The following PSMC2 variants were observed in gnomAD, a reference collection of about 807,000 sequenced individuals.
The protein encoded by PSMC2 is 26S proteasome regulatory subunit 7.
A neutral mutation model predicts 53.3 loss-of-function variants in PSMC2; 7 were observed. That is an observed-to-expected ratio of 0.13 (90% CI 0.07 to 0.25). The LOEUF is 0.25. Ranked by LOEUF, PSMC2 falls within the 10% of genes least tolerant of loss-of-function variation. PSMC2 has a pLI of 1.00. For missense variants in PSMC2, 241 were observed against 544.0 expected (o/e 0.44, Z 5.54); for synonymous variants, 169 against 183.9 (o/e 0.92, Z 0.66).
intron 1 of PSMC2, among the ~76,000 whole-genome samples, chr7:103,353,405 C>G (rs572377513): frequency 6.6e-6 from 1 of 152,262 alleles, no homozygotes; most frequent in Non-Finnish European, 1.5e-5. Context: ...CTCCTGGGTT[C>G]AAGCAATTCT....
rs138123799 is a variant in PSMC2 at position 103,348,370 on chromosome 7, T to C, written c.70+589T>C. ...CAAGTGTGCTTATCTATTCCTTTTT[T>C]TTAACACAAATGTAGCATGCTGTAC... On this transcript the variant is annotated intron_variant, in intron 1 of 11. Transcript: ENST00000292644. 3.9e-3 allele frequency among the ~76,000 whole-genome samples: 594 copies of C among 152,336 alleles called. 5 individuals carry two copies. Among genetic ancestry groups the C allele is most frequent in the African/African-American group, 0.014 (567 of 41,582 alleles).
In PSMC2 at chr7:103,359,138, C is replaced by CTTTTTTTTTTTTT. The variant is rs35936603; in HGVS notation, c.291-2799_291-2787dup. On this transcript the variant is annotated intron_variant, in intron 4 of 11. Transcript: ENST00000292644. The stretch of plus-strand genomic sequence containing the variant: ...CAGGTGCATACCACCCCATGTCTGG[C>CTTTTTTTTTTTTT]TTTTTTTTTTTTTTTTTTTTTTTTT... Among the ~76,000 whole-genome samples, 83 of 31,328 alleles carry CTTTTTTTTTTTTT rather than the reference C, an allele frequency of 2.6e-3. 8 individuals carry two copies. The highest frequency in any genetic ancestry group is 3.7e-3 in the South Asian group (1 of 268). The allele number at this position is 31,328 out of a possible 152,430, so 20.6% of individuals were successfully genotyped here.
At chr7:103,362,148 T>C in intron 5 of PSMC2, 60 bp downstream of exon 5, 1 of 1,601,486 alleles carries the variant, frequency 6.2e-7, no homozygotes, top group East Asian at 2.2e-5. Context: ...CTCACATTCA[T>C]ATCCTTGGCT....
chr7:103,347,635 G>A, upstream of PSMC2: 1 of 1,548,892 alleles, frequency 6.5e-7, no homozygotes, highest in Non-Finnish European at 8.9e-7. Context: ...GGTGGGGAAG[G>A]GAAAGGGAAG....
chr7:103,353,557 T>G (rs1819851750), intron 1 of PSMC2, among the ~76,000 whole-genome samples: 1 of 152,232 alleles, frequency 6.6e-6, no homozygotes, highest in South Asian at 2.1e-4. Flanking sequence ...TCTGCCTGCC[T>G]GGGCCTCCCA....
Position 103,368,957 on chromosome 7 carries a change from C to CA in PSMC2, c.*904dup, listed in dbSNP as rs2116284923. 6.6e-6 allele frequency: 1 copy of CA among 152,122 alleles called. No individual in the cohort carries two copies. The highest frequency in any genetic ancestry group is 2.1e-4 in the South Asian group (1 of 4,818). 9.4% of individuals were successfully genotyped at this position (152,122 alleles called of 1,614,324 possible). A position where few individuals can be genotyped will look rare whatever the true frequency, so the allele number is the denominator to read the frequency against. On this transcript the variant is annotated 3_prime_UTR_variant, in exon 12 of 12. Coordinates refer to ENST00000292644, the MANE Select transcript of PSMC2 (RefSeq NM_002803.4). ...TCTTTAAAATTACCTCCTGTGTAAC[C>CA]ACCACCAAATCCTATCTTCTACCAC...
Position 103,368,237 on chromosome 7 carries a change from T to C in PSMC2, c.*183T>C. 1 of 624,370 alleles carries C rather than the reference T, an allele frequency of 1.6e-6. No homozygotes were observed. The highest frequency in any genetic ancestry group is 2.6e-6 in the Non-Finnish European group (1 of 390,684). 38.7% of individuals were successfully genotyped at this position (624,370 alleles called of 1,614,324 possible). ...AGGCAGAAAAGCTTGTTAGAATATATTTTGACTATTTTTTTGACCCACACC... is the reference window on the plus strand; with the variant it reads ...AGGCAGAAAAGCTTGTTAGAATATACTTTGACTATTTTTTTGACCCACACC... On this transcript the variant is annotated 3_prime_UTR_variant, in exon 12 of 12. Coordinates refer to ENST00000292644, the MANE Select transcript of PSMC2 (RefSeq NM_002803.4).
At position 103,362,777 on chromosome 7, in the gene PSMC2, G is replaced by T; in HGVS notation, c.495+19G>T. 6.9e-7 allele frequency: 1 copy of T among 1,444,278 alleles called. No homozygotes were observed. The highest frequency in any genetic ancestry group is 9.6e-7 in the Non-Finnish European group (1 of 1,041,592). 89.5% of individuals were successfully genotyped at this position (1,444,278 alleles called of 1,614,324 possible). A position where few individuals can be genotyped will look rare whatever the true frequency, so the allele number is the denominator to read the frequency against. On this transcript the variant is annotated intron_variant, in intron 6 of 11. Transcript: ENST00000292644. ...GATGCAGGTAAGAAACTATGGGAGG[G>T]AAAAGGAAGGCTATGTCTTTTTTTT...
chr7:103,367,023 T>C lies in PSMC2; in HGVS notation c.845-390T>C, dbSNP rs1820753942. Among the ~76,000 whole-genome samples, 1 of 152,190 alleles carries C rather than the reference T, an allele frequency of 6.6e-6. No individual in the cohort carries two copies. Among genetic ancestry groups the C allele is most frequent in the African/African-American group, 2.4e-5 (1 of 41,444 alleles). ...TTTCACCATGTTGGCCAGGCTGGTC[T>C]CGAACTCCTGAGGACAAGTTATTTT... is the stretch of plus-strand genomic sequence containing the variant. On this transcript the variant is annotated intron_variant, in intron 9 of 11. Coordinates refer to ENST00000292644, the MANE Select transcript of PSMC2 (RefSeq NM_002803.4). This position sits in a 1 kb window ranked among gnomAD's most constrained non-coding sequence, Gnocchi z 6.1.
In PSMC2 at chr7:103,367,300, G is replaced by T; in HGVS notation, c.845-113G>T. 2 of 887,550 alleles carry T rather than the reference G, an allele frequency of 2.3e-6. No individual in the cohort carries two copies. The highest frequency in any genetic ancestry group is 3.6e-6 in the Non-Finnish European group (2 of 562,704). 55.0% of individuals were successfully genotyped at this position (887,550 alleles called of 1,614,324 possible). On this transcript the variant is annotated intron_variant, in intron 9 of 11. Coordinates refer to ENST00000292644, the MANE Select transcript of PSMC2 (RefSeq NM_002803.4). This position sits in a 1 kb window ranked among gnomAD's most constrained non-coding sequence, Gnocchi z 6.1. ...TACAGGATTTGCTTCAAAGTGGGAT[G>T]TCACTTGTGCCTGAGGACATGATTT...
chr7:103,353,032 G>T lies in PSMC2; in HGVS notation c.71-889G>T, dbSNP rs556840838. The T allele has an allele frequency of 4.0e-5, 31 of 770,182 alleles. 1 individual carries two copies. The highest frequency in any genetic ancestry group is 3.9e-4 in the South Asian group (29 of 73,614). 47.7% of individuals were successfully genotyped at this position (770,182 alleles called of 1,614,324 possible). ...GAAAGCACATGAGTATTGATTTGGG[G>T]ATTACAAATAAATTTGAGCAGCTAA... On this transcript the variant is annotated intron_variant, in intron 1 of 11. Transcript: ENST00000292644.
chr7:103,353,520 T>G (rs1034322839), intron 1 of PSMC2, among the ~76,000 whole-genome samples: 7 of 152,184 alleles, frequency 4.6e-5, no homozygotes, highest in African/African-American at 1.4e-4. Flanking sequence ...TTGGCTAGGC[T>G]GGTCTCAAAC....
At chr7:103,358,476 T>A (rs1820170479) in intron 4 of PSMC2, among the ~76,000 whole-genome samples, 1 of 152,168 alleles carries the variant, frequency 6.6e-6, no homozygotes, top group Non-Finnish European at 1.5e-5. Context: ...CTCCTCTAAT[T>A]TGCTAATCTT....
chr7:103,347,893 T>A lies in PSMC2; in HGVS notation c.70+112T>A, dbSNP rs1048874814. 5.9e-6 allele frequency: 7 copies of A among 1,193,714 alleles called. No homozygotes were observed. The African/African-American group carries it at 7.5e-5, about 13-fold the overall frequency. The allele number at this position is 1,193,714 out of a possible 1,614,324, so 73.9% of individuals were successfully genotyped here. A position where few individuals can be genotyped will look rare whatever the true frequency, so the allele number is the denominator to read the frequency against. ...CTGGCTCTGTGCTCTGGCCCTTTTG[T>A]GCCCCTAGTAATTTAGTCTGGACAC... On this transcript the variant is annotated intron_variant, in intron 1 of 11. Transcript: ENST00000292644.
At chr7:103,363,569 G>A in intron 7 of PSMC2, 130 bp downstream of exon 7, 1 of 780,246 alleles carries the variant, frequency 1.3e-6, no homozygotes, top group Non-Finnish European at 2.1e-6. Context: ...AGAGGGTGGA[G>A]AGAGGAGGTG....
chr7:103,364,571 A>G (rs1481266704), intron 8 of PSMC2, among the ~76,000 whole-genome samples: 1 of 151,974 alleles, frequency 6.6e-6, no homozygotes, highest in Non-Finnish European at 1.5e-5. Context: ...CACCACACCC[A>G]GCTAATTTTT....
intron 8 of PSMC2, 81 bp from the exon 9 acceptor site, chr7:103,365,995 A>G: frequency 8.9e-7 from 1 of 1,127,116 alleles, no homozygotes; most frequent in Non-Finnish European, 1.3e-6. Context: ...ATAAATATTG[A>G]AAAGTTTGAA....
chr7:103,362,942 C>T (rs1008855840), intron 6 of PSMC2, among the ~76,000 whole-genome samples, 184 bp downstream of exon 6: 8 of 151,640 alleles, frequency 5.3e-5, no homozygotes, highest in Admixed American at 2.0e-4. Flanking sequence ...TACAGGCACC[C>T]GCCACCACGC....
rs768856639 is a variant in PSMC2, at chr7:103,367,277, C to A, written c.845-136C>A. 1.5e-6 allele frequency: 1 copy of A among 682,188 alleles called. No individual in the cohort carries two copies. Among genetic ancestry groups the A allele is most frequent in the South Asian group, 1.9e-5 (1 of 53,426 alleles). 42.3% of individuals were successfully genotyped at this position (682,188 alleles called of 1,614,324 possible). On this transcript the variant is annotated intron_variant, in intron 9 of 11. Transcript: ENST00000292644. This position sits in a 1 kb window ranked among gnomAD's most constrained non-coding sequence, Gnocchi z 6.1. ...TTTTATATAAAGCAAGCTGTTCTTA[C>A]AGGATTTGCTTCAAAGTGGGATGTC...
Sources: allele counts gnomAD v4.1 joint callset (sites outside exome capture counted in the v4.1 genomes callset), GRCh38; gene constraint gnomAD v4.1.1; non-coding constraint Gnocchi (gnomAD v3.1); transcripts MANE v1.5; gene names NCBI Gene and HGNC (gene_info 2026-07-23, HGNC 2026-07-21).